CHSY3: variants seen among roughly 807,000 people sequenced by gnomAD.
The protein encoded by CHSY3 is N-acetylgalactosaminyl-proteoglycan 3-beta-glucuronosyltransferase 3.
In CHSY3, 35 loss-of-function variants were observed where a neutral mutation model predicts 67.2. The ratio of observed to expected loss-of-function variants is 0.52; its 90% CI spans 0.40 to 0.69. CHSY3 has a LOEUF of 0.69. CHSY3 is among the 30% of genes least tolerant of loss of function. The probability of loss-of-function intolerance (pLI) is 0.00; values close to 1 mark genes in which losing one functional copy is unlikely to be tolerated. For missense variants in CHSY3, 1,069 were observed against 1,138.5 expected, an observed-to-expected ratio of 0.94 and a Z score of 0.88; for synonymous variants, 474 against 434.7, an observed-to-expected ratio of 1.09 and a Z score of -1.12.
chr5:129,997,827 G>C (rs562160811), intron 2 of CHSY3, among the ~76,000 whole-genome samples: 1 of 152,118 alleles, frequency 6.6e-6, no homozygotes, highest in Non-Finnish European at 1.5e-5. Flanking sequence ...TCCCCGCAAA[G>C]GACATGAACT....
chr5:130,151,121 G>A (rs756361854), intron 2 of CHSY3, among the ~76,000 whole-genome samples: 1 of 152,050 alleles, frequency 6.6e-6, no homozygotes, highest in Non-Finnish European at 1.5e-5. Context: ...GGGGATTATG[G>A]GTGTCATATT....
Position 129,996,277 on chromosome 5 carries a change from C to T in CHSY3, c.1086+87917C>T, listed in dbSNP as rs537435725. On this transcript the variant is annotated intron_variant, in intron 2 of 2. Coordinates refer to ENST00000305031, the MANE Select transcript of CHSY3 (RefSeq NM_175856.5). The stretch of plus-strand genomic sequence containing the variant: ...ATGCTGCTGTCATCTGTACACCCAG[C>T]CAGTACAGCCTGATTGCATTGTGGT... 3.9e-5 allele frequency among the ~76,000 whole-genome samples: 6 copies of T among 152,272 alleles called. No homozygotes were observed. The South Asian group carries it at 1.0e-3, about 26-fold the overall frequency.
chr5:130,121,844 G>A (rs1057253919), intron 2 of CHSY3, among the ~76,000 whole-genome samples: 1 of 152,082 alleles, frequency 6.6e-6, no homozygotes, highest in Admixed American at 6.6e-5. Flanking sequence ...CTGCTAAGGA[G>A]GATGAGGCTG....
At chr5:129,964,296 G>A (rs1435909414) in intron 2 of CHSY3, among the ~76,000 whole-genome samples, 1 of 151,856 alleles carries the variant, frequency 6.6e-6, no homozygotes, top group East Asian at 1.9e-4. Context: ...GGAAGAGAAG[G>A]TGTATCCTTG....
At chr5:130,046,981 G>C (rs1307373952) in intron 2 of CHSY3, among the ~76,000 whole-genome samples, 1 of 151,364 alleles carries the variant, frequency 6.6e-6, no homozygotes, top group Non-Finnish European at 1.5e-5. Flanking sequence ...ATATGGTATT[G>C]TTTCTCCTAT....
chr5:130,157,733 A>G (rs1388498556), intron 2 of CHSY3, among the ~76,000 whole-genome samples: 1 of 150,628 alleles, frequency 6.6e-6, no homozygotes, highest in Non-Finnish European at 1.5e-5. Context: ...AGTGAAAGCA[A>G]GTTTATTTAA....
At chr5:130,123,722 A>G (rs1188000589) in intron 2 of CHSY3, among the ~76,000 whole-genome samples, 2 of 152,166 alleles carry the variant, frequency 1.3e-5, no homozygotes, top group South Asian at 2.1e-4. Flanking sequence ...TAAAATAAAA[A>G]AGAAAAAAGA....
rs749812893 is a variant in CHSY3 at position 129,905,049 on chromosome 5, C to T, written c.220C>T (p.Gln74Ter). The change falls in exon 1 of 3, where the codon CAG (glutamine) becomes TAG (stop). Residue 74 changes from glutamine (Q) to a stop codon, truncating the protein, a stop_gained. Transcript: ENST00000305031. LOFTEE classifies it high-confidence loss of function. ...GCCCCAGTCCCGACCACGGCAGGAG[C>T]AGTCGCCGCCCCCCGCGCGCCAGGA... ...PQPQSRPRQE[Q>*]SPPPARQDLQ... 2 of 1,549,570 alleles carry T rather than the reference C, an allele frequency of 1.3e-6. No individual in the cohort carries two copies. Among genetic ancestry groups the T allele is most frequent in the East Asian group, 2.4e-5 (1 of 41,586 alleles).
intron 2 of CHSY3, among the ~76,000 whole-genome samples, chr5:129,999,439 G>T (rs1763654621): frequency 6.6e-6 from 1 of 152,096 alleles, no homozygotes; most frequent in African/African-American, 2.4e-5. Context: ...TAAGAACTGA[G>T]ATCCTAGAGA....
intron 2 of CHSY3, among the ~76,000 whole-genome samples, chr5:129,995,473 A>T (rs1398883561): frequency 1.3e-5 from 2 of 151,312 alleles, no homozygotes; most frequent in Admixed American, 1.3e-4. Flanking sequence ...GAATGATGTG[A>T]TTCCAAACCA....
chr5:129,909,261 G>T (rs928924438), intron 2 of CHSY3, among the ~76,000 whole-genome samples: 2 of 151,990 alleles, frequency 1.3e-5, no homozygotes, highest in Non-Finnish European at 2.9e-5. Flanking sequence ...TTTTCAAGTA[G>T]TTGGAATTTA....
intron 2 of CHSY3, among the ~76,000 whole-genome samples, chr5:129,920,407 G>A (rs1561455072): frequency 6.6e-6 from 1 of 152,100 alleles, no homozygotes. Context: ...CACTACATCT[G>A]ACTAATTTTT....
At chr5:130,043,767 T>A (rs1765069107) in intron 2 of CHSY3, among the ~76,000 whole-genome samples, 1 of 152,140 alleles carries the variant, frequency 6.6e-6, no homozygotes, top group African/African-American at 2.4e-5. Flanking sequence ...GCATATGTTT[T>A]ATAGTGTTTA....
chr5:129,992,613 C>A (rs559331081), intron 2 of CHSY3, among the ~76,000 whole-genome samples: 1 of 152,194 alleles, frequency 6.6e-6, no homozygotes, highest in South Asian at 2.1e-4. Flanking sequence ...AGCTGGAAAA[C>A]AATCTTGATG....
At chr5:130,089,178 C>G (rs535901726) in intron 2 of CHSY3, among the ~76,000 whole-genome samples, 31 of 132,354 alleles carry the variant, frequency 2.3e-4, no homozygotes, top group African/African-American at 8.7e-4. Context: ...AGAGTGAGAA[C>G]ACATGGACAC....
At chr5:130,184,009 CAT>C (rs963353598) in intron 2 of CHSY3, among the ~76,000 whole-genome samples, 3 of 151,720 alleles carry the variant, frequency 2.0e-5, no homozygotes, top group Admixed American at 6.6e-5. Context: ...TACTTCAAAA[CAT>C]GTGGTACATG....
At chr5:130,023,236 G>GA (rs752624197) in intron 2 of CHSY3, among the ~76,000 whole-genome samples, 2 of 151,456 alleles carry the variant, frequency 1.3e-5, no homozygotes, top group South Asian at 4.2e-4. Flanking sequence ...CTACAGGAAG[G>GA]AAAAAAAAGA....
chr5:130,161,591 C>T (rs1399683221), intron 2 of CHSY3, among the ~76,000 whole-genome samples: 1 of 152,116 alleles, frequency 6.6e-6, no homozygotes, highest in Non-Finnish European at 1.5e-5. Context: ...TTACATTTTG[C>T]AATTTATTCA....
At chr5:130,110,587 A>C (rs1168963078) in intron 2 of CHSY3, among the ~76,000 whole-genome samples, 1 of 151,976 alleles carries the variant, frequency 6.6e-6, no homozygotes, top group Non-Finnish European at 1.5e-5. Flanking sequence ...ATCTGTCTTG[A>C]GCCTTAGGGA....
Sources: gnomAD v4.1 joint callset for allele counts (sites outside exome capture counted in the v4.1 genomes callset) on GRCh38, gnomAD v4.1.1 for gene constraint, MANE v1.5 for transcripts, NCBI Gene and HGNC (gene_info 2026-07-23, HGNC 2026-07-21) for gene names.